CAMKMT: variants seen among roughly 807,000 people sequenced by gnomAD.
The protein encoded by CAMKMT is CaM KMT.
A neutral mutation model predicts 48.0 loss-of-function variants in CAMKMT; 53 were observed. The observed-to-expected ratio is 1.10, with a 90% confidence interval of 0.89 to 1.39. CAMKMT has a LOEUF of 1.39. Ranked by LOEUF, CAMKMT falls within the 40% of genes most tolerant of loss-of-function variation. CAMKMT has a pLI of 0.00. For synonymous variants in CAMKMT, 165 were observed against 152.3 expected (o/e 1.08, Z -0.61); for missense variants, 428 against 402.7 (o/e 1.06, Z -0.54).
At chr2:44,376,647 A>T (rs1400047280) in intron 2 of CAMKMT, among the ~76,000 whole-genome samples, 1 of 152,120 alleles carries the variant, frequency 6.6e-6, no homozygotes, top group Non-Finnish European at 1.5e-5. Context: ...GTTTTATTAG[A>T]GTTGAAGTGA....
chr2:44,535,003 A>T lies in CAMKMT; in HGVS notation c.376+144698A>T, dbSNP rs1666689598. 2.0e-5 allele frequency among the ~76,000 whole-genome samples: 3 copies of T among 151,954 alleles called. No individual in the cohort carries two copies. The South Asian group carries it at 6.2e-4, about 32-fold the overall frequency. On this transcript the variant is annotated intron_variant, in intron 3 of 10. Transcript: ENST00000378494. Reference sequence around the variant, plus strand: ...TATAACCAAAAATTGCTATAACCAAAGGGGAGAGGGGGAGAGAGAGAGAGA... The same window carrying T: ...TATAACCAAAAATTGCTATAACCAATGGGGAGAGGGGGAGAGAGAGAGAGA...
intron 3 of CAMKMT, among the ~76,000 whole-genome samples, chr2:44,404,173 G>T (rs1067321): frequency 0.73 from 111,371 of 152,022 alleles, 41,597 homozygotes; most frequent in African/African-American, 0.83. Context: ...GTGGATTAGT[G>T]AACTTATTAT....
At chr2:44,501,007 T>C (rs976488169) in intron 3 of CAMKMT, among the ~76,000 whole-genome samples, 3 of 151,824 alleles carry the variant, frequency 2.0e-5, no homozygotes, top group African/African-American at 7.3e-5. Flanking sequence ...ATCAAAGATA[T>C]AGAGAGAATA....
At position 44,772,071 on chromosome 2, in the gene CAMKMT, C is replaced by T. The variant is rs1402505339; in HGVS notation, c.930C>T (p.Asn310=). The T allele has an allele frequency of 1.9e-6, 3 of 1,613,604 alleles. No homozygotes were observed. Among genetic ancestry groups the T allele is most frequent in the Middle Eastern group, 3.3e-4 (2 of 6,084 alleles). ...AAAACCCGGACATATATGAAGAAAA[C>T]CTTCATTACCCGCTTCTGCTTATTT... is the stretch of plus-strand genomic sequence containing the variant. ...KKENPDIYEE[N]LHYPLLLILT... Residue 310 remains asparagine (N), a synonymous_variant, in exon 11 of 11, where the codon AAC becomes AAT. Coordinates refer to ENST00000378494, the MANE Select transcript of CAMKMT (RefSeq NM_024766.5).
chr2:44,733,531 A>G (rs1679193044), intron 7 of CAMKMT, among the ~76,000 whole-genome samples: 1 of 152,188 alleles, frequency 6.6e-6, no homozygotes, highest in South Asian at 2.1e-4. Context: ...TTAGGAAGAA[A>G]GCATCGGGTC....
intron 3 of CAMKMT, among the ~76,000 whole-genome samples, chr2:44,637,795 G>A (rs1673215251): frequency 2.0e-5 from 3 of 151,970 alleles, no homozygotes; most frequent in African/African-American, 4.8e-5. Context: ...AGCCAGGCAC[G>A]GTGGCTCACG....
chr2:44,455,389 A>G (rs2104602553), intron 3 of CAMKMT, among the ~76,000 whole-genome samples: 1 of 152,308 alleles, frequency 6.6e-6, no homozygotes, highest in East Asian at 1.9e-4. Context: ...CAGTGCAGGA[A>G]GAAGAGAAGA....
rs767800927 is a variant in CAMKMT at position 44,706,371 on chromosome 2, C to G, written c.492+30C>G. ...GTCTTTTCTCCATTCCAATCCCATT[C>G]AGAGGGAGGAACAAAAGGAAAAATG... On this transcript the variant is annotated intron_variant, in intron 5 of 10. Transcript: ENST00000378494. 12 of 1,609,992 alleles carry G rather than the reference C, an allele frequency of 7.5e-6. No individual in the cohort carries two copies. In the Admixed American group the frequency reaches 1.3e-4, roughly 18 times the overall value.
At chr2:44,702,881 A>C (rs1182529363) in intron 3 of CAMKMT, among the ~76,000 whole-genome samples, 1 of 152,132 alleles carries the variant, frequency 6.6e-6, no homozygotes, top group Non-Finnish European at 1.5e-5. Context: ...CATTTCTTTA[A>C]CACCCTCTTC....
At chr2:44,371,447 G>C (rs1245896745) in intron 1 of CAMKMT, among the ~76,000 whole-genome samples, 1 of 152,092 alleles carries the variant, frequency 6.6e-6, no homozygotes, top group Non-Finnish European at 1.5e-5. Context: ...TTCTTTTTCT[G>C]TTTCACAGGT....
intron 7 of CAMKMT, among the ~76,000 whole-genome samples, chr2:44,743,317 G>A (rs1418239017): frequency 6.6e-6 from 1 of 151,990 alleles, no homozygotes; most frequent in Admixed American, 6.6e-5. Flanking sequence ...TGATGTTAAG[G>A]GTCTAGAATC....
chr2:44,367,670 G>C lies in CAMKMT; in HGVS notation c.139-5046G>C, dbSNP rs1678746663. 2.0e-5 allele frequency among the ~76,000 whole-genome samples: 3 copies of C among 152,308 alleles called. No homozygotes were observed. The South Asian group carries it at 6.2e-4, about 32-fold the overall frequency. ...TCTCTGGCAGGCAGATATAAGACTAGCTGCCTATTATCTGGAAGCTAAGTG... is the reference window on the plus strand; with the variant it reads ...TCTCTGGCAGGCAGATATAAGACTACCTGCCTATTATCTGGAAGCTAAGTG... On this transcript the variant is annotated intron_variant, in intron 1 of 10. Transcript: ENST00000378494.
At chr2:44,553,247 C>T (rs918865155) in intron 3 of CAMKMT, among the ~76,000 whole-genome samples, 6 of 152,208 alleles carry the variant, frequency 3.9e-5, no homozygotes, top group Admixed American at 6.5e-5. Context: ...GCATATGAAC[C>T]GTCTTCATTT....
At chr2:44,601,956 T>C (rs2103860136) in intron 3 of CAMKMT, among the ~76,000 whole-genome samples, 1 of 152,210 alleles carries the variant, frequency 6.6e-6, no homozygotes, top group South Asian at 2.1e-4. Flanking sequence ...TTTACAAAAA[T>C]GATACCATAT....
intron 3 of CAMKMT, chr2:44,549,608 A>G: frequency 1.5e-6 from 1 of 683,630 alleles, no homozygotes; most frequent in Non-Finnish European, 2.6e-6. Flanking sequence ...ATCATAACTC[A>G]GTGCAGCCTC....
chr2:44,644,241 C>T lies in CAMKMT; in HGVS notation c.377-60042C>T, dbSNP rs558468381. 1.9e-4 allele frequency among the ~76,000 whole-genome samples: 29 copies of T among 152,054 alleles called. No homozygotes were observed. In the South Asian group the frequency reaches 5.6e-3, roughly 29 times the overall value. On this transcript the variant is annotated intron_variant, in intron 3 of 10. Transcript: ENST00000378494. ...CCTGTATAATTCTTTAATTTTAGGCCCAAAAAACTATGAAAGGAATTTTGT... is the reference window on the plus strand; with the variant it reads ...CCTGTATAATTCTTTAATTTTAGGCTCAAAAAACTATGAAAGGAATTTTGT...
chr2:44,488,119 A>G (rs867127985), intron 3 of CAMKMT, among the ~76,000 whole-genome samples: 1 of 152,228 alleles, frequency 6.6e-6, no homozygotes, highest in South Asian at 2.1e-4. Flanking sequence ...ACCAATATCA[A>G]TGACATTAAA....
At position 44,770,542 on chromosome 2, in the gene CAMKMT, A is replaced by G. The variant is rs141950538; in HGVS notation, c.895-1494A>G. Among the ~76,000 whole-genome samples, 17 of 152,310 alleles carry G rather than the reference A, an allele frequency of 1.1e-4. No homozygotes were observed. In the East Asian group the frequency reaches 3.3e-3, roughly 29 times the overall value. Reference sequence around the variant, plus strand: ...TCAGCTGACTGCCACTGAGTAATCAACTTTCCCTTATCCCCAATCCCCAAG... The same window carrying G: ...TCAGCTGACTGCCACTGAGTAATCAGCTTTCCCTTATCCCCAATCCCCAAG... On this transcript the variant is annotated intron_variant, in intron 10 of 10. Transcript: ENST00000378494.
At chr2:44,605,870 TCA>T (rs1178240672) in intron 3 of CAMKMT, among the ~76,000 whole-genome samples, 9 of 152,116 alleles carry the variant, frequency 5.9e-5, no homozygotes, top group African/African-American at 2.2e-4. Context: ...AAAAAACCAC[TCA>T]TACATAGAGC....
Sources: allele counts gnomAD v4.1 joint callset (sites outside exome capture counted in the v4.1 genomes callset), GRCh38; gene constraint gnomAD v4.1.1; transcripts MANE v1.5; gene names NCBI Gene and HGNC (gene_info 2026-07-23, HGNC 2026-07-21).